Variants in WDFY2 observed in about 807,000 individuals in gnomAD.
WDFY2 encodes the protein WD repeat and FYVE domain containing 2, also known as WD repeat and FYVE domain-containing protein 2.
WDFY2 carries 36 observed loss-of-function variants against 56.4 expected under a neutral mutation model. The ratio of observed to expected loss-of-function variants is 0.64; its 90% CI spans 0.49 to 0.84. The LOEUF is 0.84. WDFY2 is among the 40% of genes least tolerant of loss of function. The probability of loss-of-function intolerance (pLI) is 0.00; values close to 1 mark genes in which losing one functional copy is unlikely to be tolerated. For missense variants in WDFY2, 444 were observed against 512.2 expected (o/e 0.87, Z 1.29); for synonymous variants, 176 against 183.7 (o/e 0.96, Z 0.34).
At chr13:51,757,124 ATCCT>A (rs373166225) in intron 10 of WDFY2, among the ~76,000 whole-genome samples, 51 of 152,218 alleles carry the variant, frequency 3.4e-4, no homozygotes, top group African/African-American at 1.2e-3. Context: ...TGTCTTCTCA[ATCCT>A]TCCAGCACCT....
intron 3 of WDFY2, 37 bp downstream of exon 3, chr13:51,675,280 T>A: frequency 6.4e-7 from 1 of 1,560,784 alleles, no homozygotes; most frequent in Admixed American, 1.7e-5. Context: ...GTTGAAATAC[T>A]TCCCTTCCTG....
intron 3 of WDFY2, among the ~76,000 whole-genome samples, chr13:51,681,031 G>A (rs1955968376): frequency 6.6e-6 from 1 of 152,154 alleles, no homozygotes; most frequent in Non-Finnish European, 1.5e-5. Flanking sequence ...CTAACAAGGT[G>A]TTTTGGATGA....
chr13:51,697,603 A>G (rs574042445), intron 3 of WDFY2, among the ~76,000 whole-genome samples: 1 of 151,778 alleles, frequency 6.6e-6, no homozygotes, highest in Non-Finnish European at 1.5e-5. Context: ...ACTACACTCC[A>G]GCCTGGGTGA....
chr13:51,706,565 G>A (rs758632399), intron 4 of WDFY2, among the ~76,000 whole-genome samples: 1 of 152,158 alleles, frequency 6.6e-6, no homozygotes, highest in Non-Finnish European at 1.5e-5. Flanking sequence ...CCCCAACTCT[G>A]GATAGAGGAT....
At chr13:51,608,857 C>T (rs1392859431) in intron 1 of WDFY2, among the ~76,000 whole-genome samples, 1 of 152,096 alleles carries the variant, frequency 6.6e-6, no homozygotes, top group Non-Finnish European at 1.5e-5. Context: ...ATGTATTTTA[C>T]CATTTCTCTA....
chr13:51,759,777 C>G lies in WDFY2; in HGVS notation c.*8C>G. 6.2e-7 allele frequency: 1 copy of G among 1,613,386 alleles called. No individual in the cohort carries two copies. The highest frequency in any genetic ancestry group is 8.5e-7 in the Non-Finnish European group (1 of 1,179,532). On this transcript the variant is annotated 3_prime_UTR_variant, in exon 12 of 12. Coordinates refer to ENST00000298125, the MANE Select transcript of WDFY2 (RefSeq NM_052950.4). Reference sequence around the variant, plus strand: ...ACCCCAGTCGTGTCTTGATGACTCTCCCAGGAATCAGAAAGATAGTATTTA... The same window carrying G: ...ACCCCAGTCGTGTCTTGATGACTCTGCCAGGAATCAGAAAGATAGTATTTA...
chr13:51,608,594 T>TC (rs1241510329), intron 1 of WDFY2, among the ~76,000 whole-genome samples: 4 of 152,150 alleles, frequency 2.6e-5, no homozygotes, highest in African/African-American at 9.7e-5. Flanking sequence ...GGCAGGACAA[T>TC]CGCTTGCACC....
chr13:51,755,239 A>G, intron 8 of WDFY2, 119 bp from the exon 9 acceptor site: 4 of 925,556 alleles, frequency 4.3e-6, no homozygotes, highest in South Asian at 1.7e-5. Flanking sequence ...TGACTGAGAA[A>G]TCACACCTCT....
chr13:51,684,799 CT>C (rs1306820535), intron 3 of WDFY2, among the ~76,000 whole-genome samples: 1 of 152,124 alleles, frequency 6.6e-6, no homozygotes, highest in Non-Finnish European at 1.5e-5. Context: ...CCCAAGAGTA[CT>C]TTTGAAATTT....
chr13:51,758,130 A>G, intron 10 of WDFY2, 62 bp from the exon 11 acceptor site: 1 of 1,322,748 alleles, frequency 7.6e-7, no homozygotes, highest in East Asian at 2.4e-5. Flanking sequence ...ATGTCATCCT[A>G]GATCTCTCTC....
At chr13:51,674,162 C>CAT (rs996282593) in intron 2 of WDFY2, among the ~76,000 whole-genome samples, 1 of 152,092 alleles carries the variant, frequency 6.6e-6, no homozygotes, top group Non-Finnish European at 1.5e-5. Context: ...AACATCTAAT[C>CAT]ATACCCGTGA....
At chr13:51,750,529 C>T (rs1156443717) in intron 7 of WDFY2, among the ~76,000 whole-genome samples, 3 of 87,290 alleles carry the variant, frequency 3.4e-5, no homozygotes, top group Non-Finnish European at 6.8e-5. Context: ...TCAAAATAGA[C>T]GAACATACAA....
intron 7 of WDFY2, 22 bp downstream of exon 7, chr13:51,739,197 T>C (rs895835163): frequency 3.2e-6 from 5 of 1,568,098 alleles, no homozygotes; most frequent in Non-Finnish European, 4.3e-6. Flanking sequence ...GGTGCTTTCA[T>C]AAAGACTCTG....
At chr13:51,586,251 A>T (rs1441073449) in intron 1 of WDFY2, 1 of 391,846 alleles carries the variant, frequency 2.6e-6, no homozygotes, top group Non-Finnish European at 4.5e-6. Flanking sequence ...GATATATTCC[A>T]TAAAATATAT....
Position 51,760,979 on chromosome 13 carries a change from A to G in WDFY2, c.*1210A>G, listed in dbSNP as rs1269983850. On this transcript the variant is annotated 3_prime_UTR_variant, in exon 12 of 12. Transcript: ENST00000298125. ...CATGCTCTGAAAATAAGTGTCTTTA[A>G]GTTGTGTTTTTCTGTGTGACATCAT... 6.6e-6 allele frequency: 1 copy of G among 152,226 alleles called. No homozygotes were observed. Among genetic ancestry groups the G allele is most frequent in the Non-Finnish European group, 1.5e-5 (1 of 68,068 alleles). 9.4% of individuals were successfully genotyped at this position (152,226 alleles called of 1,614,324 possible). A position where few individuals can be genotyped will look rare whatever the true frequency, so the allele number is the denominator to read the frequency against.
intron 3 of WDFY2, among the ~76,000 whole-genome samples, chr13:51,694,428 C>A (rs1274456145): frequency 6.6e-6 from 1 of 151,988 alleles, no homozygotes; most frequent in Non-Finnish European, 1.5e-5. Flanking sequence ...TATTTTATTT[C>A]TCCTTCACTT....
At position 51,766,681 on chromosome 13, in the gene WDFY2, C is replaced by T. The variant is rs1169711819; in HGVS notation, c.*6912C>T. The T allele has an allele frequency of 6.6e-6, 1 of 152,278 alleles. No homozygotes were observed. The highest frequency in any genetic ancestry group is 1.5e-5 in the Non-Finnish European group (1 of 68,046). The allele number at this position is 152,278 out of a possible 1,614,324, so 9.4% of individuals were successfully genotyped here. ...ATATTGTGAATGTTTTTACTCCGCT[C>T]ACTTTCCCACTGTGCTTTCCTCTAA... On this transcript the variant is annotated 3_prime_UTR_variant, in exon 12 of 12. Transcript: ENST00000298125.
intron 2 of WDFY2, 53 bp downstream of exon 2, chr13:51,660,716 C>G (rs1341862691): frequency 2.6e-6 from 4 of 1,518,460 alleles, no homozygotes; most frequent in Admixed American, 1.7e-5. Flanking sequence ...TCCCAGATTG[C>G]CTTCTCTGTA....
At chr13:51,740,116 C>G (rs181279563) in intron 7 of WDFY2, among the ~76,000 whole-genome samples, 4 of 152,322 alleles carry the variant, frequency 2.6e-5, no homozygotes, top group African/African-American at 9.6e-5. Flanking sequence ...TCAAAATATT[C>G]TCCTAAATAG....
Sources: allele counts gnomAD v4.1 joint callset (sites outside exome capture counted in the v4.1 genomes callset), GRCh38; gene constraint gnomAD v4.1.1; transcripts MANE v1.5; gene names NCBI Gene and HGNC (gene_info 2026-07-23, HGNC 2026-07-21).